SPTLC1: variants seen among roughly 807,000 people sequenced by gnomAD.
SPTLC1 encodes serine palmitoyltransferase long chain base subunit 1.
A neutral mutation model predicts 68.9 loss-of-function variants in SPTLC1; 55 were observed. The observed-to-expected ratio is 0.80, with a 90% CI of 0.64 to 1.00. SPTLC1 has a LOEUF of 1.00. Among genes scored for constraint, SPTLC1 ranks in the 50% least tolerant of loss-of-function variants. SPTLC1 has a pLI of 0.00. For missense variants in SPTLC1, 449 were observed against 573.1 expected (o/e 0.78, Z 2.21); for synonymous variants, 197 against 201.6 (o/e 0.98, Z 0.19).
At chr9:92,081,996 T>A (rs111766667) in intron 3 of SPTLC1, among the ~76,000 whole-genome samples, 2,669 of 152,160 alleles carry the variant, frequency 0.018, 66 homozygotes, top group African/African-American at 0.06. Flanking sequence ...GCAAGAAGAC[T>A]CAGTGAAAAA....
chr9:92,106,584 G>T (rs926131723), intron 3 of SPTLC1, among the ~76,000 whole-genome samples: 1 of 151,770 alleles, frequency 6.6e-6, no homozygotes, highest in Admixed American at 6.6e-5. Flanking sequence ...TACACTTCAC[G>T]GATCCCAGCT....
At chr9:92,079,130 C>T in intron 5 of SPTLC1, 1 of 544,258 alleles carries the variant, frequency 1.8e-6, no homozygotes, top group Non-Finnish European at 2.4e-6. Context: ...GGCTGGAGTG[C>T]AGTGGCATGA....
intron 2 of SPTLC1, chr9:92,110,259 T>C (rs1836179453): frequency 6.6e-6 from 1 of 152,216 alleles, no homozygotes; most frequent in Non-Finnish European, 1.5e-5. Flanking sequence ...AATACTTACA[T>C]AGAAAAATCC....
At chr9:92,050,648 A>G (rs1170543276) in intron 8 of SPTLC1, among the ~76,000 whole-genome samples, 1 of 152,212 alleles carries the variant, frequency 6.6e-6, no homozygotes, top group Non-Finnish European at 1.5e-5. Flanking sequence ...CCAGAGGCTC[A>G]GAGGAACCTA....
chr9:92,064,330 A>T (rs1299044178), intron 6 of SPTLC1, among the ~76,000 whole-genome samples: 1 of 152,236 alleles, frequency 6.6e-6, no homozygotes, highest in Non-Finnish European at 1.5e-5. Flanking sequence ...TAGAAAATGG[A>T]CATGAAAAGA....
intron 8 of SPTLC1, among the ~76,000 whole-genome samples, chr9:92,052,764 T>C (rs527493878): frequency 1.4e-4 from 22 of 152,052 alleles, no homozygotes; most frequent in Non-Finnish European, 2.8e-4. Flanking sequence ...ACTCCTGACC[T>C]CAAATGATTC....
intron 3 of SPTLC1, among the ~76,000 whole-genome samples, chr9:92,094,900 A>G (rs1044108218): frequency 1.7e-4 from 26 of 152,194 alleles, no homozygotes; most frequent in African/African-American, 6.0e-4. Context: ...TACATAAGCA[A>G]TGACAACCAT....
chr9:92,067,856 C>A, intron 6 of SPTLC1, 110 bp downstream of exon 6: 1 of 1,360,530 alleles, frequency 7.4e-7, no homozygotes, highest in Non-Finnish European at 1.0e-6. Context: ...TCTTGAAAAA[C>A]AAAAAGCAGC....
chr9:92,054,810 G>A (rs1833825965), intron 8 of SPTLC1, among the ~76,000 whole-genome samples: 1 of 152,176 alleles, frequency 6.6e-6, no homozygotes, highest in African/African-American at 2.4e-5. Flanking sequence ...CTACTCGGGA[G>A]GCTGAGGCAG....
intron 5 of SPTLC1, among the ~76,000 whole-genome samples, chr9:92,074,061 A>G (rs1229481239): frequency 6.6e-6 from 1 of 151,398 alleles, no homozygotes; most frequent in Admixed American, 6.6e-5. Flanking sequence ...TCCTTCCCAG[A>G]TCTCCTCGGC....
intron 6 of SPTLC1, among the ~76,000 whole-genome samples, chr9:92,066,639 C>A (rs539035752): frequency 6.6e-6 from 1 of 152,192 alleles, no homozygotes; most frequent in South Asian, 2.1e-4. Context: ...ATTTTAGGAA[C>A]AATAGAAGCT....
At chr9:92,105,110 C>A in intron 3 of SPTLC1, 2 of 1,533,096 alleles carry the variant, frequency 1.3e-6, no homozygotes, top group South Asian at 2.4e-5. Context: ...GCCCAAGGAT[C>A]CTGCAGCTCT....
At chr9:92,084,003 A>C (rs1289827582) in intron 3 of SPTLC1, among the ~76,000 whole-genome samples, 3 of 152,170 alleles carry the variant, frequency 2.0e-5, no homozygotes, top group African/African-American at 7.2e-5. Flanking sequence ...CTTTGAAGGA[A>C]TTGTGAATGG....
In SPTLC1 at chr9:92,038,327, G is replaced by A. The variant is rs1184411703; in HGVS notation, c.1175C>T (p.Pro392Leu). ...CTCTTCCAGTTGTAGGTGAAAGGCT[G>A]GAGAAAGGGACTCCCCCACCACTTT... ...GLKVVGESLS[P>L]AFHLQLEEST... is the part of the protein sequence containing the mutation. Residue 392 changes from proline (P) to leucine (L), a missense_variant, in exon 13 of 15, where the codon CCA becomes CTA. Physicochemically the swap from Pro to Leu is moderately conservative, Grantham distance 98. Around this residue, in one of 3 missense-constraint regions of SPTLC1, gnomAD observed 391 missense variants for 472.1 expected, o/e 0.83. Transcript: ENST00000262554. The A allele has an allele frequency of 1.2e-6, 2 of 1,614,038 alleles. No homozygotes were observed. Among genetic ancestry groups the A allele is most frequent in the South Asian group, 1.1e-5 (1 of 91,084 alleles).
intron 3 of SPTLC1, among the ~76,000 whole-genome samples, chr9:92,083,002 AT>A (rs1427790143): frequency 1.3e-5 from 2 of 151,952 alleles, no homozygotes; most frequent in African/African-American, 4.8e-5. Flanking sequence ...GATGGTGAGC[AT>A]TTTTTCATGT....
At chr9:92,054,798 A>T (rs982503234) in intron 8 of SPTLC1, among the ~76,000 whole-genome samples, 3 of 152,102 alleles carry the variant, frequency 2.0e-5, no homozygotes, top group Non-Finnish European at 4.4e-5. Flanking sequence ...CTATAGTTCC[A>T]GCTACTCGGG....
At chr9:92,052,449 T>G (rs1016132739) in intron 8 of SPTLC1, among the ~76,000 whole-genome samples, 2 of 152,018 alleles carry the variant, frequency 1.3e-5, no homozygotes, top group African/African-American at 4.8e-5. Flanking sequence ...CAGACCTAAA[T>G]GTAAGACTGA....
rs751101949 is a variant in SPTLC1 at position 92,038,151 on chromosome 9, G to A, written c.1254+97C>T. ...TCCTTTCTACCCTCTTCTCTCTCAG[G>A]GCAAAGAGACTTTTCTTAAAAATTT... On this transcript the variant is annotated intron_variant, in intron 13 of 14. Coordinates refer to ENST00000262554, the MANE Select transcript of SPTLC1 (RefSeq NM_006415.4). 12 of 854,814 alleles carry A rather than the reference G, an allele frequency of 1.4e-5. No individual in the cohort carries two copies. In the Middle Eastern group the frequency reaches 1.3e-3, roughly 91 times the overall value. The allele number at this position is 854,814 out of a possible 1,614,324, so 53.0% of individuals were successfully genotyped here.
chr9:92,089,171 G>C (rs956805730), intron 3 of SPTLC1, among the ~76,000 whole-genome samples: 1 of 152,176 alleles, frequency 6.6e-6, no homozygotes, highest in African/African-American at 2.4e-5. Context: ...AGCACTTTGG[G>C]AGGCCGAGGC....
Sources: gnomAD v4.1 joint callset for allele counts (sites outside exome capture counted in the v4.1 genomes callset) on GRCh38, gnomAD v4.1.1 for gene constraint, gnomAD v4.1.1 regional missense constraint, MANE v1.5 for transcripts, NCBI Gene and HGNC (gene_info 2026-07-23, HGNC 2026-07-21) for gene names.